The following IFT81 variants were observed in gnomAD, a reference collection of about 807,000 sequenced individuals.
IFT81 encodes the protein intraflagellar transport protein 81 homolog.
Under a neutral mutation model 102.6 loss-of-function variants are expected in IFT81, and 72 were observed. The observed-to-expected ratio is 0.70, with a 90% CI of 0.58 to 0.85. IFT81 has a LOEUF of 0.85. IFT81 is among the 40% of genes least tolerant of loss of function. The pLI, the probability that IFT81 is intolerant of heterozygous loss-of-function variation, is 0.00. For synonymous variants in IFT81, 237 were observed against 242.7 expected (o/e 0.98, Z 0.22); for missense variants, 723 against 787.3 (o/e 0.92, Z 0.98).
At chr12:110,131,362 T>A (rs1030116913) in intron 4 of IFT81, among the ~76,000 whole-genome samples, 2 of 152,068 alleles carry the variant, frequency 1.3e-5, no homozygotes, top group Non-Finnish European at 2.9e-5. Flanking sequence ...TTTTTTTTTG[T>A]TTGAGACAGA....
At chr12:110,147,843 A>G (rs1431070035) in intron 10 of IFT81, among the ~76,000 whole-genome samples, 1 of 152,196 alleles carries the variant, frequency 6.6e-6, no homozygotes, top group Non-Finnish European at 1.5e-5. Flanking sequence ...CATTTCATCT[A>G]TAAATGTTTC....
intron 8 of IFT81, among the ~76,000 whole-genome samples, chr12:110,138,920 A>C (rs1593286829): frequency 6.6e-6 from 1 of 152,238 alleles, no homozygotes; most frequent in Non-Finnish European, 1.5e-5. Context: ...AAAACTTTTC[A>C]TAGAAACATA....
intron 2 of IFT81, 63 bp downstream of exon 2, chr12:110,127,587 G>A: frequency 6.9e-7 from 1 of 1,444,900 alleles, no homozygotes; most frequent in African/African-American, 1.4e-5. Flanking sequence ...CTAAATAGCT[G>A]TGAGTCTTGG....
intron 4 of IFT81, among the ~76,000 whole-genome samples, chr12:110,130,827 C>CAATGATTTACAATATAT (rs1894121217): frequency 6.6e-6 from 1 of 151,688 alleles, no homozygotes; most frequent in Non-Finnish European, 1.5e-5. Context: ...TACACACACA[C>CAATGATTTACAATATAT]AATGATTTAC....
rs776373903 is a variant in IFT81 at position 110,163,042 on chromosome 12, A to G, written c.1165A>G (p.Thr389Ala). 3.7e-6 allele frequency: 6 copies of G among 1,613,978 alleles called. No individual in the cohort carries two copies. Among genetic ancestry groups the G allele is most frequent in the Non-Finnish European group, 3.4e-6 (4 of 1,179,918 alleles). Residue 389 changes from threonine (T) to alanine (A), a missense_variant, in exon 11 of 19, where the codon ACT (threonine) becomes GCT (alanine). Coordinates refer to ENST00000242591, the MANE Select transcript of IFT81 (RefSeq NM_014055.4). ...AAATCAGACCCGTGAATTTGATGGTACTGAAGTTTTAAAGGGAGATGAGGT... is the reference window on the plus strand; with the variant it reads ...AAATCAGACCCGTGAATTTGATGGTGCTGAAGTTTTAAAGGGAGATGAGGT... ...KRNQTREFDG[T>A]EVLKGDEFKR...
intron 11 of IFT81, among the ~76,000 whole-genome samples, chr12:110,165,390 T>C (rs1489841646): frequency 6.6e-6 from 1 of 152,174 alleles, no homozygotes; most frequent in Non-Finnish European, 1.5e-5. Context: ...AGGTGCCTGA[T>C]TTAGTATCAC....
At chr12:110,202,139 A>G (rs1193318052) in intron 14 of IFT81, among the ~76,000 whole-genome samples, 1 of 152,182 alleles carries the variant, frequency 6.6e-6, no homozygotes, top group East Asian at 1.9e-4. Context: ...CATCACCACA[A>G]ACACATGAGT....
intron 14 of IFT81, among the ~76,000 whole-genome samples, chr12:110,199,888 C>T (rs1898186443): frequency 6.6e-6 from 1 of 152,176 alleles, no homozygotes; most frequent in South Asian, 2.1e-4. Flanking sequence ...TAACCCTTTA[C>T]TCACAGGTTC....
At chr12:110,179,187 A>G (rs117769729) in intron 11 of IFT81, among the ~76,000 whole-genome samples, 2,504 of 152,248 alleles carry the variant, frequency 0.016, 34 homozygotes, top group South Asian at 0.054. Flanking sequence ...CTTAAGTGAT[A>G]AATAGTAGCT....
rs201182007 is a variant in IFT81, at chr12:110,135,382, T to A, written c.641T>A (p.Val214Asp). The change falls in exon 7 of 19, where the codon GTT becomes GAT. Residue 214 changes from valine (V) to aspartate (D), a missense_variant. Physicochemically the swap from Val to Asp is radical, Grantham distance 152. Coordinates refer to ENST00000242591, the MANE Select transcript of IFT81 (RefSeq NM_014055.4). ...CTTAAAATAGCAAGGCAACTTCGAG[T>A]TGAAAAAGAGAGAGAAGAATATCTT... ...WMLKIARQLR[V>D]EKEREEYLAQ... The A allele has an allele frequency of 2.0e-5, 32 of 1,613,078 alleles. No homozygotes were observed. Among genetic ancestry groups the A allele is most frequent in the Non-Finnish European group, 2.7e-5 (32 of 1,179,654 alleles).
chr12:110,212,855 ATCGCCTTT>A (rs1215901576), intron 18 of IFT81, among the ~76,000 whole-genome samples: 1 of 151,992 alleles, frequency 6.6e-6, no homozygotes, highest in Non-Finnish European at 1.5e-5. Context: ...AAAAAAAATG[ATCGCCTTT>A]ATTATGGAGA....
At chr12:110,131,081 G>A (rs1894133080) in intron 4 of IFT81, among the ~76,000 whole-genome samples, 2 of 151,908 alleles carry the variant, frequency 1.3e-5, no homozygotes, top group South Asian at 4.2e-4. Context: ...TCAGGAGTTC[G>A]AGACCAGCCT....
At chr12:110,159,033 G>T (rs369653869) in intron 10 of IFT81, among the ~76,000 whole-genome samples, 1 of 152,166 alleles carries the variant, frequency 6.6e-6, no homozygotes, top group Non-Finnish European at 1.5e-5. Flanking sequence ...TGATTTTTTT[G>T]ATTGAAAAGT....
chr12:110,174,069 A>G (rs895474411), intron 11 of IFT81, among the ~76,000 whole-genome samples: 69 of 151,654 alleles, frequency 4.5e-4, no homozygotes, highest in African/African-American at 1.5e-3. Context: ...TGAGGTCAGG[A>G]GATCGAGACC....
chr12:110,142,345 G>A (rs968671392), intron 8 of IFT81, among the ~76,000 whole-genome samples: 5 of 151,790 alleles, frequency 3.3e-5, no homozygotes, highest in African/African-American at 7.3e-5. Context: ...TTTTTGTATT[G>A]TTAGTAGAGA....
At chr12:110,187,293 T>G (rs1354365872) in intron 12 of IFT81, among the ~76,000 whole-genome samples, 2 of 152,188 alleles carry the variant, frequency 1.3e-5, no homozygotes, top group African/African-American at 4.8e-5. Context: ...AGACAGAGTC[T>G]CACTCTGTCA....
chr12:110,174,243 A>G (rs1477312556), intron 11 of IFT81, among the ~76,000 whole-genome samples: 3 of 134,490 alleles, frequency 2.2e-5, no homozygotes, highest in African/African-American at 8.6e-5. Context: ...GCGCCACTGC[A>G]CTCCAGCCTG....
At chr12:110,153,477 G>T (rs947974415) in intron 10 of IFT81, among the ~76,000 whole-genome samples, 1 of 151,194 alleles carries the variant, frequency 6.6e-6, no homozygotes, top group Admixed American at 6.6e-5. Flanking sequence ...GACCTCAGCC[G>T]ATCCACCTGC....
At chr12:110,126,582 A>G (rs1267855901) in intron 1 of IFT81, among the ~76,000 whole-genome samples, 3 of 152,202 alleles carry the variant, frequency 2.0e-5, no homozygotes, top group African/African-American at 7.2e-5. Flanking sequence ...TGAAGTTTGA[A>G]GGGGTAGAAA....
Sources: gnomAD v4.1 joint callset for allele counts (sites outside exome capture counted in the v4.1 genomes callset) on GRCh38, gnomAD v4.1.1 for gene constraint, MANE v1.5 for transcripts, NCBI Gene and HGNC (gene_info 2026-07-23, HGNC 2026-07-21) for gene names.